LRRC27: variants seen among roughly 807,000 people sequenced by gnomAD.
LRRC27 encodes the protein leucine rich repeat containing 27, also known as leucine-rich repeat-containing protein 27.
In LRRC27, 57 loss-of-function variants were observed where a neutral mutation model predicts 55.0. The observed-to-expected ratio is 1.04, with a 90% confidence interval of 0.84 to 1.29. LRRC27 has a LOEUF of 1.29. LRRC27 is among the 50% of genes most tolerant of loss of function. The pLI is 0.00. For missense variants in LRRC27, 721 were observed against 651.5 expected (o/e 1.11, Z -1.16); for synonymous variants, 278 against 251.9 (o/e 1.10, Z -0.98).
chr10:132,344,653 T>G lies in LRRC27; in HGVS notation c.553+3T>G. On this transcript the variant is annotated splice_donor_region_variant and intron_variant, in intron 5 of 10. Transcript: ENST00000368614. The stretch of plus-strand genomic sequence containing the variant: ...CCCCAGAAATCCAACTTCTCAAGGT[T>G]TGTAGGAGGTGATTTATGACAAATC... 6.2e-7 allele frequency: 1 copy of G among 1,613,222 alleles called. No homozygotes were observed. The highest frequency in any genetic ancestry group is 1.1e-5 in the South Asian group (1 of 91,066).
chr10:132,333,778 A>G (rs373925338), intron 2 of LRRC27, 44 bp downstream of exon 2: 31 of 1,461,124 alleles, frequency 2.1e-5, no homozygotes, highest in African/African-American at 1.4e-4. Context: ...CAGGTCCCCT[A>G]TAGACAGAAA....
rs2068284496 is a variant in LRRC27, at chr10:132,355,870, C to G, written c.1154C>G (p.Pro385Arg). 6.4e-7 allele frequency: 1 copy of G among 1,555,232 alleles called. No homozygotes were observed. The highest frequency in any genetic ancestry group is 8.7e-7 in the Non-Finnish European group (1 of 1,149,044). Residue 385 changes from proline (P) to arginine (R), a missense_variant, in exon 8 of 11, where the codon CCT becomes CGT. Transcript: ENST00000368614. ...KRKEELSKLL[P>R]PRRSMVASKI... ...AAGGAAGAGCTCAGCAAACTCCTGC[C>G]TCCGCGGAGGAGCATGGTACGGCAC...
At chr10:132,343,650 G>A (rs150572772) in intron 4 of LRRC27, among the ~76,000 whole-genome samples, 2,213 of 152,344 alleles carry the variant, frequency 0.015, 43 homozygotes, top group South Asian at 0.049. Flanking sequence ...CCCATTAATG[G>A]ACAGGGCCAA....
rs2069308217 is a variant in LRRC27, at chr10:132,374,889, G to A, written c.1417-177G>A. ...GAGCCGGCTGGAAGTAGGCTGCTGG[G>A]CCCCATTGCAGGGGGGACCGCGCCG... is the stretch of plus-strand genomic sequence containing the variant. On this transcript the variant is annotated intron_variant, in intron 10 of 10. Transcript: ENST00000368614. The surrounding 1 kb of genome is among the most constrained non-coding windows in gnomAD (Gnocchi z 4.4). Among the ~76,000 whole-genome samples, 1 of 152,224 alleles carries A rather than the reference G, an allele frequency of 6.6e-6. No homozygotes were observed. The highest frequency in any genetic ancestry group is 2.4e-5 in the African/African-American group (1 of 41,458).
chr10:132,333,852 A>C (rs1458253094), intron 2 of LRRC27, 118 bp downstream of exon 2: 6 of 776,390 alleles, frequency 7.7e-6, no homozygotes, highest in Non-Finnish European at 1.2e-5. Flanking sequence ...GAATTCTAAA[A>C]TTAAATAGAG....
In LRRC27 at chr10:132,361,492, A is replaced by G. The variant is rs896226635; in HGVS notation, c.1206A>G (p.Ile402Met). ...ASKIPSATDL[I>M]DNRKVPLNPP... is the part of the protein sequence containing the mutation. ...AGATTCCCTCTGCCACAGATCTGAT[A>G]GATAACAGGAAAGTACCACTGAATC... is the stretch of plus-strand genomic sequence containing the variant. Residue 402 changes from isoleucine to methionine, a missense_variant, in exon 9 of 11, where the codon ATA becomes ATG. Physicochemically the swap from Ile to Met is conservative, Grantham distance 10. Coordinates refer to ENST00000368614, the MANE Select transcript of LRRC27 (RefSeq NM_030626.3). 2 of 1,613,896 alleles carry G rather than the reference A, an allele frequency of 1.2e-6. No homozygotes were observed. The highest frequency in any genetic ancestry group is 1.3e-5 in the African/African-American group (1 of 75,072).
chr10:132,342,579 G>A (rs188062950), intron 4 of LRRC27, among the ~76,000 whole-genome samples: 1 of 152,328 alleles, frequency 6.6e-6, no homozygotes, highest in Admixed American at 6.5e-5. Flanking sequence ...TGTCTCCGCT[G>A]CATCTCGCTG....
At chr10:132,354,533 C>T (rs992013162) in intron 7 of LRRC27, among the ~76,000 whole-genome samples, 4 of 152,282 alleles carry the variant, frequency 2.6e-5, no homozygotes, top group East Asian at 1.9e-4. Flanking sequence ...CCCAGGCAGG[C>T]GTCAGGACAC....
chr10:132,361,466 A>C lies in LRRC27; in HGVS notation c.1180A>C (p.Lys394Gln). Reference sequence around the variant, plus strand: ...TGTTGCATTTTCCTAGGTGGCATCAAAGATTCCCTCTGCCACAGATCTGAT... The same window carrying C: ...TGTTGCATTTTCCTAGGTGGCATCACAGATTCCCTCTGCCACAGATCTGAT... ...LPPRRSMVAS[K>Q]IPSATDLIDN... The change falls in exon 9 of 11, where the codon AAG becomes CAG. Residue 394 changes from lysine to glutamine, a missense_variant. Lys to Gln is a moderately conservative substitution (Grantham distance 53). Transcript: ENST00000368614. 1 of 1,612,560 alleles carries C rather than the reference A, an allele frequency of 6.2e-7. No homozygotes were observed.
Position 132,351,715 on chromosome 10 carries a change from G to A in LRRC27, c.1035G>A (p.Glu345=), listed in dbSNP as rs371854609. Residue 345 remains glutamate, a synonymous_variant, in exon 7 of 11, where the codon GAG becomes GAA. Transcript: ENST00000368614. The part of the protein sequence containing the change: ...LEESRAAALR[E]LQEKQALMEQ... ...AGAGCCGAGCGGCGGCGCTCCGAGA[G>A]CTCCAGGAGAAGCAGGCTCTGATGG... The A allele has an allele frequency of 1.4e-5, 23 of 1,613,464 alleles. No individual in the cohort carries two copies. The African/African-American group carries it at 2.1e-4, about 15-fold the overall frequency.
rs1224678029 is a variant in LRRC27 at position 132,376,930 on chromosome 10, A to C, written c.*1688A>C. ...CTTCTTAGTTATGTGAGTTTTTGCT[A>C]TACGTGTTTTGGGGCTATTTTGTCA... On this transcript the variant is annotated 3_prime_UTR_variant, in exon 11 of 11. Coordinates refer to ENST00000368614, the MANE Select transcript of LRRC27 (RefSeq NM_030626.3). The C allele has an allele frequency of 6.6e-6, 1 of 152,234 alleles. No individual in the cohort carries two copies. Among genetic ancestry groups the C allele is most frequent in the Non-Finnish European group, 1.5e-5 (1 of 68,038 alleles). 9.4% of individuals were successfully genotyped at this position (152,234 alleles called of 1,614,324 possible). A position where few individuals can be genotyped will look rare whatever the true frequency, so the allele number is the denominator to read the frequency against.
At chr10:132,344,945 G>T (rs1276246141) in intron 5 of LRRC27, 1 of 251,352 alleles carries the variant, frequency 4.0e-6, no homozygotes, top group Admixed American at 4.8e-5. Flanking sequence ...CCCGCAGGCG[G>T]CTGCTTCAGG....
chr10:132,361,920 C>T (rs1040607413), intron 9 of LRRC27, among the ~76,000 whole-genome samples: 2 of 152,116 alleles, frequency 1.3e-5, no homozygotes, highest in Admixed American at 6.5e-5. Context: ...CCTGCCCTGC[C>T]GTGCCCTCCC....
At chr10:132,352,187 G>T (rs1456814950) in intron 7 of LRRC27, among the ~76,000 whole-genome samples, 1 of 107,570 alleles carries the variant, frequency 9.3e-6, no homozygotes, top group Non-Finnish European at 2.0e-5. Context: ...TGAGGCCTCC[G>T]TGTGGGGCAG....
At chr10:132,330,709 T>C (rs1442348282), upstream of LRRC27, among the ~76,000 whole-genome samples, 1 of 145,062 alleles carries the variant, frequency 6.9e-6, no homozygotes. Context: ...TTGTAGAGAC[T>C]GGGTTGCCCA....
At position 132,348,059 on chromosome 10, in the gene LRRC27, C is replaced by CT; in HGVS notation, c.630dup (p.Asn211Ter). 6.2e-7 allele frequency: 1 copy of CT among 1,614,028 alleles called. No homozygotes were observed. Among genetic ancestry groups the CT allele is most frequent in the Non-Finnish European group, 8.5e-7 (1 of 1,180,042 alleles). On this transcript the variant is annotated frameshift_variant, in exon 6 of 11. Transcript: ENST00000368614. LOFTEE classifies it high-confidence loss of function. This position sits in a 1 kb window ranked among gnomAD's most constrained non-coding sequence, Gnocchi z 4.2. Reference sequence around the variant, plus strand: ...CTGGAGTTGTCTGGAGACCACGCGTCTAACCAAGGAGCTGTGAACGCTCAG... The same window carrying CT: ...CTGGAGTTGTCTGGAGACCACGCGTCTTAACCAAGGAGCTGTGAACGCTCAG...
chr10:132,361,523 G>T lies in LRRC27; in HGVS notation c.1237G>T (p.Gly413Ter), dbSNP rs201094461. The T allele has an allele frequency of 5.0e-6, 8 of 1,613,774 alleles. No homozygotes were observed. The African/African-American group carries it at 6.7e-5, about 13-fold the overall frequency. ...DNRKVPLNPP[G>*]KMKPSKEKSP... is the part of the protein sequence containing the mutation. ...CAGGAAAGTACCACTGAATCCGCCT[G>T]GAAAAATGAAACCAAGCAAAGAGAA... is the stretch of plus-strand genomic sequence containing the variant. The change falls in exon 9 of 11, where the codon GGA (glycine) becomes TGA (stop). Residue 413 changes from glycine (G) to a stop codon, truncating the protein, a stop_gained. Transcript: ENST00000368614. LOFTEE classifies it high-confidence loss of function.
chr10:132,380,824 G>T lies in LRRC27; in HGVS notation c.*5582G>T, dbSNP rs1278996238. ...ATTTCAAGAAAAAGTTGAATTTCTTGATATGTTCCGTAGATTGAGGTTTAC... is the reference window on the plus strand; with the variant it reads ...ATTTCAAGAAAAAGTTGAATTTCTTTATATGTTCCGTAGATTGAGGTTTAC... On this transcript the variant is annotated 3_prime_UTR_variant, in exon 11 of 11. Coordinates refer to ENST00000368614, the MANE Select transcript of LRRC27 (RefSeq NM_030626.3). Among the ~76,000 whole-genome samples, 1 of 152,220 alleles carries T rather than the reference G, an allele frequency of 6.6e-6. No individual in the cohort carries two copies. The highest frequency in any genetic ancestry group is 1.5e-5 in the Non-Finnish European group (1 of 68,038).
In LRRC27 at chr10:132,365,471, TC is replaced by T. The variant is rs1389104343; in HGVS notation, c.1339del (p.Gln447LysfsTer17). 6.2e-7 allele frequency: 1 copy of T among 1,613,548 alleles called. No individual in the cohort carries two copies. Among genetic ancestry groups the T allele is most frequent in the African/African-American group, 1.3e-5 (1 of 74,920 alleles). ...GAAGAGAAGATAAAACAGCACGTCC[TC>T]CAAATGCGTGAGCAAAGAAGATTCC... ...NLEEKIKQHV[L>X]QMREQRRFHG... On this transcript the variant is annotated frameshift_variant, in exon 10 of 11. Coordinates refer to ENST00000368614, the MANE Select transcript of LRRC27 (RefSeq NM_030626.3). LOFTEE classifies it high-confidence loss of function.
Sources: gnomAD v4.1 joint callset for allele counts (sites outside exome capture counted in the v4.1 genomes callset) on GRCh38, gnomAD v4.1.1 for gene constraint, Gnocchi (gnomAD v3.1) non-coding constraint, MANE v1.5 for transcripts, NCBI Gene and HGNC (gene_info 2026-07-23, HGNC 2026-07-21) for gene names.